Variants in COL14A1 observed in about 807,000 individuals in gnomAD.
COL14A1 encodes collagen type XIV alpha 1 chain, also known as collagen alpha-1(XIV) chain.
In COL14A1, 136 loss-of-function variants were observed where a neutral mutation model predicts 230.3. The ratio of observed to expected loss-of-function variants is 0.59; its 90% CI spans 0.51 to 0.68. COL14A1 has a LOEUF of 0.68. Among genes scored for constraint, COL14A1 ranks in the 30% least tolerant of loss-of-function variants. The probability of loss-of-function intolerance (pLI) is 0.00; values close to 1 mark genes in which losing one functional copy is unlikely to be tolerated. For synonymous variants in COL14A1, 792 were observed against 784.1 expected (o/e 1.01, Z -0.17); for missense variants, 1,976 against 2,215.8 (o/e 0.89, Z 2.17).
chr8:120,168,429 G>A (rs1389233578), intron 5 of COL14A1, among the ~76,000 whole-genome samples, 182 bp downstream of exon 5: 2 of 152,184 alleles, frequency 1.3e-5, no homozygotes, highest in Non-Finnish European at 1.5e-5. Flanking sequence ...CACTTGGCAC[G>A]TGACCTTTCA....
intron 40 of COL14A1, among the ~76,000 whole-genome samples, chr8:120,317,499 T>C (rs1336080674): frequency 6.6e-6 from 1 of 152,226 alleles, no homozygotes; most frequent in East Asian, 1.9e-4. Flanking sequence ...TTCTTGTACA[T>C]GTGGAAGCAG....
At position 120,345,429 on chromosome 8, in the gene COL14A1, C is replaced by A; in HGVS notation, c.4943C>A (p.Ser1648Tyr). The change falls in exon 45 of 48, where the codon TCC (serine) becomes TAC (tyrosine). Residue 1648 changes from serine to tyrosine, a missense_variant. Transcript: ENST00000297848. ...ILNQIPSHSSSIRTVQGPPGE... is the reference protein window; with the variant it reads ...ILNQIPSHSSYIRTVQGPPGE... ...AACCAGATTCCCAGCCACTCCTCAT[C>A]CATCCGGACTGTCCAAGGGCCTCCT... The A allele has an allele frequency of 1.3e-6, 2 of 1,598,970 alleles. No individual in the cohort carries two copies. Among genetic ancestry groups the A allele is most frequent in the Non-Finnish European group, 1.7e-6 (2 of 1,173,716 alleles).
At chr8:120,227,437 T>C (rs1818133531) in intron 17 of COL14A1, 85 bp downstream of exon 17, 1 of 1,528,614 alleles carries the variant, frequency 6.5e-7, no homozygotes, top group Non-Finnish European at 8.9e-7. Flanking sequence ...ATCTGCTTTA[T>C]CTTTGGCTAT....
chr8:120,220,053 G>T (rs1817880373), intron 14 of COL14A1, among the ~76,000 whole-genome samples: 1 of 151,838 alleles, frequency 6.6e-6, no homozygotes, highest in South Asian at 2.1e-4. Flanking sequence ...TGAGGTTGCT[G>T]GATAAGCATC....
At chr8:120,239,909 G>C (rs1818562923) in intron 19 of COL14A1, among the ~76,000 whole-genome samples, 3 of 150,790 alleles carry the variant, frequency 2.0e-5, no homozygotes, top group African/African-American at 2.4e-5. Context: ...AATTATTCCT[G>C]TTAATTTGGA....
intron 11 of COL14A1, among the ~76,000 whole-genome samples, chr8:120,209,408 G>A (rs570796669): frequency 4.7e-4 from 71 of 152,092 alleles, no homozygotes; most frequent in African/African-American, 1.7e-3. Flanking sequence ...GTGTAGTAGG[G>A]GGTGGGGACG....
intron 5 of COL14A1, among the ~76,000 whole-genome samples, chr8:120,177,911 C>T (rs147591372): frequency 2.0e-5 from 3 of 151,792 alleles, no homozygotes; most frequent in African/African-American, 7.2e-5. Flanking sequence ...GTTGGTAAAA[C>T]TGTAGGACAC....
intron 5 of COL14A1, among the ~76,000 whole-genome samples, chr8:120,181,267 T>A (rs541539771): frequency 2.0e-5 from 3 of 152,180 alleles, no homozygotes; most frequent in Non-Finnish European, 2.9e-5. Flanking sequence ...CTCCCAAATG[T>A]GCACTATTAA....
intron 5 of COL14A1, among the ~76,000 whole-genome samples, chr8:120,184,223 AGATTTATT>A (rs896602500): frequency 2.9e-5 from 3 of 104,218 alleles, no homozygotes; most frequent in Non-Finnish European, 5.9e-5. Flanking sequence ...GGGGGGGAAG[AGATTTATT>A]TATTTATTTA....
chr8:120,257,466 CAGT>C (rs1819193422), intron 23 of COL14A1, among the ~76,000 whole-genome samples: 1 of 152,070 alleles, frequency 6.6e-6, no homozygotes, highest in South Asian at 2.1e-4. Flanking sequence ...GTGGGGGTGG[CAGT>C]AGGAAATGTG....
At chr8:120,326,978 A>T (rs1821695680) in intron 40 of COL14A1, among the ~76,000 whole-genome samples, 1 of 152,210 alleles carries the variant, frequency 6.6e-6, no homozygotes, top group African/African-American at 2.4e-5. Context: ...ATGAGCCGAG[A>T]TTGTGCCACT....
chr8:120,254,589 A>C (rs188551972), intron 22 of COL14A1, among the ~76,000 whole-genome samples: 63 of 152,192 alleles, frequency 4.1e-4, no homozygotes, highest in African/African-American at 1.4e-3. Flanking sequence ...ATATTTAGAA[A>C]ACACAAGTAT....
chr8:120,357,585 G>T (rs563636536), intron 45 of COL14A1, among the ~76,000 whole-genome samples: 20 of 152,238 alleles, frequency 1.3e-4, no homozygotes, highest in African/African-American at 4.3e-4. Context: ...GCATTTTAAA[G>T]ATTTTGTCAG....
At position 120,244,005 on chromosome 8, in the gene COL14A1, A is replaced by G. The variant is rs780525640; in HGVS notation, c.2476A>G (p.Thr826Ala). The G allele has an allele frequency of 1.2e-6, 2 of 1,610,614 alleles. No homozygotes were observed. Among genetic ancestry groups the G allele is most frequent in the East Asian group, 4.5e-5 (2 of 44,818 alleles). ...CGTCAGCGTCTCCGCTCCTGGAAAAACCTGTAAGTGAAGCTTTCTCCCTTT... is the reference window on the plus strand; with the variant it reads ...CGTCAGCGTCTCCGCTCCTGGAAAAGCCTGTAAGTGAAGCTTTCTCCCTTT... ...EGVSVSAPGK[T>A]LPSSGPQNLR... Residue 826 changes from threonine (T) to alanine (A), a missense_variant, in exon 20 of 48, where the codon ACC becomes GCC. Thr to Ala is a moderately conservative substitution (Grantham distance 58). This residue lies in a region of COL14A1 where 1,791 missense variants were observed against 2,019.5 expected (regional missense o/e 0.89). Coordinates refer to ENST00000297848, the MANE Select transcript of COL14A1 (RefSeq NM_021110.4).
chr8:120,220,590 C>T (rs72678205), intron 14 of COL14A1, among the ~76,000 whole-genome samples: 4,012 of 151,878 alleles, frequency 0.026, 82 homozygotes, highest in Non-Finnish European at 0.037. Flanking sequence ...TGATTATTAA[C>T]GCTTTTGATT....
At chr8:120,355,689 G>A (rs1407883630) in intron 45 of COL14A1, among the ~76,000 whole-genome samples, 1 of 151,944 alleles carries the variant, frequency 6.6e-6, no homozygotes, top group Non-Finnish European at 1.5e-5. Flanking sequence ...ACAAAGTGCT[G>A]GGATTACAGG....
chr8:120,370,616 A>G (rs1823553819), intron 47 of COL14A1: 1 of 1,451,206 alleles, frequency 6.9e-7, no homozygotes, highest in Admixed American at 2.5e-5. Context: ...TGACTGCTCC[A>G]TGTCAGCCTG....
chr8:120,284,466 A>G (rs1820135289), intron 32 of COL14A1, among the ~76,000 whole-genome samples: 1 of 152,188 alleles, frequency 6.6e-6, no homozygotes, highest in African/African-American at 2.4e-5. Context: ...TTTTTGGTTA[A>G]TATCACTGAA....
chr8:120,265,991 G>A (rs1350017529), intron 24 of COL14A1, among the ~76,000 whole-genome samples: 1 of 152,156 alleles, frequency 6.6e-6, no homozygotes, highest in African/African-American at 2.4e-5. Context: ...TCCCCTCTGT[G>A]AATGGCTATG....
Sources: gnomAD v4.1 joint callset for allele counts (sites outside exome capture counted in the v4.1 genomes callset) on GRCh38, gnomAD v4.1.1 for gene constraint, gnomAD v4.1.1 regional missense constraint, MANE v1.5 for transcripts, NCBI Gene and HGNC (gene_info 2026-07-23, HGNC 2026-07-21) for gene names.